The following PPP1R37 variants were observed in gnomAD, a reference collection of about 807,000 sequenced individuals.
PPP1R37 encodes the protein leucine rich repeat containing 68.
PPP1R37 carries 21 observed loss-of-function variants against 61.0 expected under a neutral mutation model. The observed-to-expected ratio is 0.34, with a 90% confidence interval of 0.24 to 0.50. The LOEUF is 0.50. Among genes scored for constraint, PPP1R37 ranks in the 20% least tolerant of loss-of-function variants. The pLI is 0.98. For synonymous variants in PPP1R37, 443 were observed against 433.5 expected, an observed-to-expected ratio of 1.02 and a Z score of -0.27; for missense variants, 910 against 952.7, an observed-to-expected ratio of 0.96 and a Z score of 0.59.
intron 1 of PPP1R37, among the ~76,000 whole-genome samples, chr19:45,117,294 G>C (rs948859835): frequency 1.3e-5 from 2 of 152,182 alleles, no homozygotes; most frequent in African/African-American, 4.8e-5. Flanking sequence ...CTGTCAGAGG[G>C]AGGGAAGAGC....
At chr19:45,142,700 G>A (rs1049824317) in intron 7 of PPP1R37, 5 of 544,932 alleles carry the variant, frequency 9.2e-6, no homozygotes, top group Admixed American at 3.4e-5. Context: ...CTTCCAGGAG[G>A]AGGAGACAGC....
At chr19:45,115,681 G>A (rs978323318) in intron 1 of PPP1R37, among the ~76,000 whole-genome samples, 1 of 152,204 alleles carries the variant, frequency 6.6e-6, no homozygotes, top group East Asian at 1.9e-4. Context: ...ATTATTTATC[G>A]TTAAAAGTTG....
intron 4 of PPP1R37, 119 bp from the exon 5 acceptor site, chr19:45,141,203 G>C: frequency 8.7e-7 from 1 of 1,144,094 alleles, no homozygotes; most frequent in Non-Finnish European, 1.2e-6. Flanking sequence ...CTCCTCTCCC[G>C]TGTGGCTCTC....
chr19:45,119,463 T>G (rs1283052856), intron 1 of PPP1R37, among the ~76,000 whole-genome samples: 1 of 152,126 alleles, frequency 6.6e-6, no homozygotes, highest in East Asian at 1.9e-4. Context: ...CGTTTAACTG[T>G]GTTTTGATGG....
intron 1 of PPP1R37, 105 bp downstream of exon 1, chr19:45,093,632 A>G: frequency 1.3e-6 from 1 of 767,732 alleles, no homozygotes; most frequent in Non-Finnish European, 2.1e-6. Flanking sequence ...ATTGCACCTA[A>G]TGGTGAATAA....
intron 2 of PPP1R37, 37 bp from the exon 3 acceptor site, chr19:45,140,193 TGTTCAA>T (rs1968592079): frequency 1.3e-6 from 2 of 1,514,844 alleles, no homozygotes; most frequent in Admixed American, 3.9e-5. Context: ...GCTGCCCCCC[TGTTCAA>T]GTGTCTTCCT....
At position 45,139,257 on chromosome 19, in the gene PPP1R37, C is replaced by T. The variant is rs565614046; in HGVS notation, c.300+646C>T. Among the ~76,000 whole-genome samples the T allele has an allele frequency of 5.3e-5, 8 of 152,324 alleles. 1 individual carries two copies. Among genetic ancestry groups the T allele is most frequent in the African/African-American group, 1.9e-4 (8 of 41,578 alleles). On this transcript the variant is annotated intron_variant, in intron 2 of 12. Coordinates refer to ENST00000221462, the MANE Select transcript of PPP1R37 (RefSeq NM_019121.2). Reference sequence around the variant, plus strand: ...GAATTACAGAAATAACACATATCCTCAGATTTAAAAAAATAAAAATACTAC... The same window carrying T: ...GAATTACAGAAATAACACATATCCTTAGATTTAAAAAAATAAAAATACTAC...
chr19:45,129,536 A>G (rs999059967), intron 1 of PPP1R37, among the ~76,000 whole-genome samples: 1 of 152,114 alleles, frequency 6.6e-6, no homozygotes, highest in South Asian at 2.1e-4. Flanking sequence ...TGACCTCGTG[A>G]TCTGCCCGTC....
chr19:45,139,640 C>G (rs1968583882), intron 2 of PPP1R37, among the ~76,000 whole-genome samples: 1 of 152,236 alleles, frequency 6.6e-6, no homozygotes, highest in African/African-American at 2.4e-5. Context: ...CTGGAACATT[C>G]CAGAAGAGGG....
chr19:45,138,905 C>CTTTTTTTTTTTTTTTTTTTTTT (rs34081163), intron 2 of PPP1R37, among the ~76,000 whole-genome samples: 3 of 73,052 alleles, frequency 4.1e-5, no homozygotes, highest in African/African-American at 1.1e-4. Context: ...TTTATGTATT[C>CTTTTTTTTTTTTTTTTTTTTTT]TTTTTTTTTT....
At chr19:45,139,669 AG>A (rs1968584131) in intron 2 of PPP1R37, among the ~76,000 whole-genome samples, 1 of 152,220 alleles carries the variant, frequency 6.6e-6, no homozygotes, top group African/African-American at 2.4e-5. Flanking sequence ...GGTCCCAGGA[AG>A]GGTGGCTGCT....
intron 1 of PPP1R37, among the ~76,000 whole-genome samples, chr19:45,093,888 G>A (rs1383642983): frequency 6.6e-6 from 1 of 152,162 alleles, no homozygotes; most frequent in African/African-American, 2.4e-5. Context: ...AGGAGGAGCG[G>A]GTCAACACTG....
chr19:45,142,394 C>T lies in PPP1R37; in HGVS notation c.810C>T (p.Asn270=), dbSNP rs1026043767. 4 of 1,535,998 alleles carry T rather than the reference C, an allele frequency of 2.6e-6. No homozygotes were observed. In the Admixed American group the frequency reaches 7.8e-5, roughly 30 times the overall value. Residue 270 remains asparagine, a synonymous_variant, in exon 7 of 13, where the codon AAC becomes AAT. Transcript: ENST00000221462. ...TGCAGGACTCGGCCCAGCTGGGTAA[C>T]CTGCTCAAGTTCAACTGCTCCCTGC... The part of the protein sequence containing the change: ...NGLQDSAQLG[N]LLKFNCSLQI...
At chr19:45,105,803 G>T (rs1311076854) in intron 1 of PPP1R37, among the ~76,000 whole-genome samples, 1 of 152,212 alleles carries the variant, frequency 6.6e-6, no homozygotes, top group Non-Finnish European at 1.5e-5. Context: ...AGTCCCAGGG[G>T]GTCAGGCCCG....
At chr19:45,144,652 G>A (rs1390315870) in intron 8 of PPP1R37, 2 of 545,978 alleles carry the variant, frequency 3.7e-6, no homozygotes, top group African/African-American at 4.0e-5. Flanking sequence ...CGGGGGACCT[G>A]GCATTTGGGG....
At chr19:45,103,605 C>T (rs538666704) in intron 1 of PPP1R37, among the ~76,000 whole-genome samples, 3 of 143,342 alleles carry the variant, frequency 2.1e-5, no homozygotes, top group East Asian at 2.4e-4. Flanking sequence ...CAGCTGAACT[C>T]GCTTGGTTCC....
At chr19:45,106,278 G>T (rs1356481150) in intron 1 of PPP1R37, among the ~76,000 whole-genome samples, 1 of 151,862 alleles carries the variant, frequency 6.6e-6, no homozygotes, top group East Asian at 1.9e-4. Flanking sequence ...TTTCGCTCTT[G>T]TTGCCCAGGC....
At chr19:45,113,891 C>T (rs548088874) in intron 1 of PPP1R37, among the ~76,000 whole-genome samples, 12 of 152,162 alleles carry the variant, frequency 7.9e-5, no homozygotes, top group South Asian at 2.1e-4. Context: ...TTTCAGAGCC[C>T]GGGGGCAGGT....
At chr19:45,107,295 C>T (rs1290445547) in intron 1 of PPP1R37, among the ~76,000 whole-genome samples, 2 of 151,978 alleles carry the variant, frequency 1.3e-5, no homozygotes, top group Non-Finnish European at 2.9e-5. Context: ...CATAGCAAGA[C>T]CCAGTCTCTA....
Sources: allele counts gnomAD v4.1 joint callset (sites outside exome capture counted in the v4.1 genomes callset), GRCh38; gene constraint gnomAD v4.1.1; transcripts MANE v1.5; gene names NCBI Gene and HGNC (gene_info 2026-07-23, HGNC 2026-07-21).